ZNF804B: variants seen among roughly 807,000 people sequenced by gnomAD.
ZNF804B encodes the protein zinc finger 804B.
ZNF804B carries 80 observed loss-of-function variants against 101.4 expected under a neutral mutation model. That is an observed-to-expected ratio of 0.79 (90% CI 0.66 to 0.95). The LOEUF (loss-of-function observed/expected upper bound fraction) is 0.95, where lower values mean the gene tolerates loss of function less well. ZNF804B is among the 40% of genes least tolerant of loss of function. The probability of loss-of-function intolerance (pLI) is 0.00; values close to 1 mark genes in which losing one functional copy is unlikely to be tolerated. For synonymous variants in ZNF804B, 622 were observed against 558.8 expected (o/e 1.11, Z -1.59); for missense variants, 1,673 against 1,561.9 (o/e 1.07, Z -1.20).
chr7:88,981,082 T>C (rs1793687429), intron 1 of ZNF804B, among the ~76,000 whole-genome samples: 1 of 152,038 alleles, frequency 6.6e-6, no homozygotes, highest in Non-Finnish European at 1.5e-5. Flanking sequence ...TCTCTTCTCA[T>C]AGCCACCACA....
At chr7:88,798,145 T>C (rs542401814) in intron 1 of ZNF804B, among the ~76,000 whole-genome samples, 5 of 152,202 alleles carry the variant, frequency 3.3e-5, no homozygotes, top group African/African-American at 1.2e-4. Flanking sequence ...CTCTGATCAA[T>C]ACTTCCAACA....
intron 1 of ZNF804B, among the ~76,000 whole-genome samples, chr7:89,216,176 G>A (rs1788892466): frequency 6.6e-6 from 1 of 151,844 alleles, no homozygotes; most frequent in Non-Finnish European, 1.5e-5. Context: ...GCGCGGTGGC[G>A]CGCGCCTATA....
In ZNF804B at chr7:88,955,506, C is replaced by A. The variant is rs573466239; in HGVS notation, c.108+195422C>A. 1.1e-3 allele frequency among the ~76,000 whole-genome samples: 174 copies of A among 151,752 alleles called. 3 individuals are homozygous for A. Among genetic ancestry groups the A allele is most frequent in the Middle Eastern group, 0.01 (3 of 294 alleles). ...CTCATATTCTTAACTTTTCTGTAAT[C>A]CAAATCCCAACTGGTTATGATTTAT... On this transcript the variant is annotated intron_variant, in intron 1 of 3. Coordinates refer to ENST00000333190, the MANE Select transcript of ZNF804B (RefSeq NM_181646.5).
At chr7:89,136,958 C>CT (rs1020183752) in intron 1 of ZNF804B, among the ~76,000 whole-genome samples, 13 of 151,134 alleles carry the variant, frequency 8.6e-5, no homozygotes, top group South Asian at 2.1e-4. Flanking sequence ...CAAAAGCTCT[C>CT]TTTTTTTTTG....
At chr7:89,046,055 C>T (rs1238036142) in intron 1 of ZNF804B, among the ~76,000 whole-genome samples, 1 of 152,034 alleles carries the variant, frequency 6.6e-6, no homozygotes, top group African/African-American at 2.4e-5. Context: ...GGAGACGTTA[C>T]CCCCATGCTA....
intron 2 of ZNF804B, among the ~76,000 whole-genome samples, chr7:89,220,516 A>G (rs569378928): frequency 1.2e-4 from 19 of 152,016 alleles, no homozygotes; most frequent in African/African-American, 3.1e-4. Flanking sequence ...ATGATAATCA[A>G]TCTTGCTTGA....
intron 2 of ZNF804B, among the ~76,000 whole-genome samples, chr7:89,241,838 A>T (rs555740784): frequency 6.6e-6 from 1 of 150,692 alleles, no homozygotes. Context: ...TTTAATCACT[A>T]CAAACACTAC....
intron 1 of ZNF804B, among the ~76,000 whole-genome samples, chr7:88,955,810 G>A (rs1249937295): frequency 6.6e-6 from 1 of 151,578 alleles, no homozygotes; most frequent in Non-Finnish European, 1.5e-5. Flanking sequence ...AGAGTGAAAA[G>A]ACAACCTGCT....
At chr7:89,015,498 C>T (rs1332487149) in intron 1 of ZNF804B, among the ~76,000 whole-genome samples, 3 of 151,948 alleles carry the variant, frequency 2.0e-5, no homozygotes, top group Non-Finnish European at 4.4e-5. Flanking sequence ...CCCCCCACCC[C>T]ACAACAGTCC....
At chr7:89,039,816 G>A (rs1788988568) in intron 1 of ZNF804B, among the ~76,000 whole-genome samples, 1 of 151,918 alleles carries the variant, frequency 6.6e-6, no homozygotes, top group Admixed American at 6.6e-5. Flanking sequence ...CTCTCCTGGA[G>A]TGCATGGTTA....
At chr7:88,773,332 C>T (rs1156287415) in intron 1 of ZNF804B, among the ~76,000 whole-genome samples, 1 of 152,154 alleles carries the variant, frequency 6.6e-6, no homozygotes, top group Non-Finnish European at 1.5e-5. Flanking sequence ...GGATATAGAA[C>T]TAACATCTGG....
chr7:89,089,057 C>CTTTTTTTTTTT, intron 1 of ZNF804B, among the ~76,000 whole-genome samples: 1 of 128,098 alleles, frequency 7.8e-6, no homozygotes, highest in African/African-American at 3.0e-5. Flanking sequence ...CTTTTTTTTT[C>CTTTTTTTTTTT]TTTTTTTTTT....
chr7:89,250,110 C>T (rs1338320828), intron 2 of ZNF804B, among the ~76,000 whole-genome samples: 1 of 151,984 alleles, frequency 6.6e-6, no homozygotes, highest in African/African-American at 2.4e-5. Context: ...CTGCTTGAAC[C>T]CAGGAGGCAG....
At chr7:89,034,016 A>C (rs1182624859) in intron 1 of ZNF804B, among the ~76,000 whole-genome samples, 1 of 152,110 alleles carries the variant, frequency 6.6e-6, no homozygotes, top group Non-Finnish European at 1.5e-5. Context: ...TAATGTGTTA[A>C]ATAATTTTTT....
At chr7:89,035,721 T>C (rs1788915136) in intron 1 of ZNF804B, among the ~76,000 whole-genome samples, 1 of 151,198 alleles carries the variant, frequency 6.6e-6, no homozygotes, top group Non-Finnish European at 1.5e-5. Context: ...CCAAAAAAAA[T>C]GGGTTGGCAG....
intron 1 of ZNF804B, among the ~76,000 whole-genome samples, chr7:88,935,212 G>C (rs1792948943): frequency 6.6e-6 from 1 of 151,758 alleles, no homozygotes; most frequent in African/African-American, 2.4e-5. Flanking sequence ...TCACTTATAA[G>C]TGAGAGCTAA....
intron 1 of ZNF804B, among the ~76,000 whole-genome samples, chr7:88,853,258 C>T (rs530597004): frequency 3.9e-5 from 6 of 152,100 alleles, no homozygotes; most frequent in South Asian, 2.1e-4. Context: ...AGTAGTGGCC[C>T]TCACGCACTG....
At chr7:89,203,214 A>G (rs1293521276) in intron 1 of ZNF804B, among the ~76,000 whole-genome samples, 1 of 152,174 alleles carries the variant, frequency 6.6e-6, no homozygotes, top group Non-Finnish European at 1.5e-5. Context: ...CAGCGCTGCC[A>G]TTAGAATACA....
At chr7:88,934,136 A>G (rs1460262472) in intron 1 of ZNF804B, among the ~76,000 whole-genome samples, 3 of 151,990 alleles carry the variant, frequency 2.0e-5, no homozygotes, top group Admixed American at 6.6e-5. Flanking sequence ...CTGATCTTCA[A>G]CAAAGCATAC....
Sources: gnomAD v4.1 joint callset for allele counts (sites outside exome capture counted in the v4.1 genomes callset) on GRCh38, gnomAD v4.1.1 for gene constraint, MANE v1.5 for transcripts, NCBI Gene and HGNC (gene_info 2026-07-23, HGNC 2026-07-21) for gene names.